The following NEGR1 variants were observed in gnomAD, a reference collection of about 807,000 sequenced individuals.
NEGR1 encodes the protein IgLON family member 4.
Under a neutral mutation model 40.9 loss-of-function variants are expected in NEGR1, and 10 were observed. The ratio of observed to expected loss-of-function variants is 0.24; its 90% CI spans 0.15 to 0.42. The LOEUF (loss-of-function observed/expected upper bound fraction) is 0.42. NEGR1 is among the 10% of genes least tolerant of loss of function. The pLI, the probability that NEGR1 is intolerant of heterozygous loss-of-function variation, is 1.00. For missense variants in NEGR1, 352 were observed against 438.9 expected (o/e 0.80, Z 1.77); for synonymous variants, 185 against 166.8 (o/e 1.11, Z -0.84).
chr1:72,194,820 T>G (rs1652944241), intron 1 of NEGR1, among the ~76,000 whole-genome samples: 1 of 152,082 alleles, frequency 6.6e-6, no homozygotes, highest in Non-Finnish European at 1.5e-5. Context: ...AATTGGACAT[T>G]CATGTTGTAT....
intron 2 of NEGR1, among the ~76,000 whole-genome samples, chr1:71,884,824 C>T (rs1557688166): frequency 6.6e-6 from 1 of 152,178 alleles, no homozygotes; most frequent in African/African-American, 2.4e-5. Flanking sequence ...GCTTTAAATT[C>T]ACATGGACAA....
intron 1 of NEGR1, among the ~76,000 whole-genome samples, chr1:72,068,357 G>T (rs1647330891): frequency 6.6e-6 from 1 of 152,126 alleles, no homozygotes; most frequent in Non-Finnish European, 1.5e-5. Context: ...TCCCTTCATT[G>T]CAAGATCCAA....
intron 2 of NEGR1, among the ~76,000 whole-genome samples, chr1:71,782,228 A>G (rs1313666187): frequency 6.6e-6 from 1 of 152,082 alleles, no homozygotes; most frequent in Non-Finnish European, 1.5e-5. Context: ...CCCTTCCACC[A>G]TGTAAGGACT....
chr1:71,968,219 A>G lies in NEGR1; in HGVS notation c.177-32908T>C, dbSNP rs369443637. ...TGCACTGGAAAGAGGAGACACTGAA[A>G]GGATCCACTCAACCAATGAGAGACA... On this transcript the variant is annotated intron_variant, in intron 1 of 6. Transcript: ENST00000357731. Among the ~76,000 whole-genome samples, 85 of 152,336 alleles carry G rather than the reference A, an allele frequency of 5.6e-4. No individual in the cohort carries two copies. The Middle Eastern group carries it at 0.014, about 24-fold the overall frequency.
intron 4 of NEGR1, among the ~76,000 whole-genome samples, chr1:71,654,775 T>C (rs1194812704): frequency 6.6e-6 from 1 of 152,146 alleles, no homozygotes; most frequent in Admixed American, 6.5e-5. Flanking sequence ...ATTCTACAAA[T>C]AAATAAAGTT....
At chr1:72,036,426 C>T (rs189575902) in intron 1 of NEGR1, among the ~76,000 whole-genome samples, 128 of 152,002 alleles carry the variant, frequency 8.4e-4, no homozygotes, top group African/African-American at 2.7e-3. Context: ...GAGGCTGAGG[C>T]GGGCAGATCA....
At chr1:71,669,949 TC>T (rs1652364512) in intron 4 of NEGR1, among the ~76,000 whole-genome samples, 1 of 152,158 alleles carries the variant, frequency 6.6e-6, no homozygotes, top group East Asian at 1.9e-4. Context: ...ACCTGGCCAA[TC>T]CTAGGTAGTA....
At chr1:71,688,290 C>T (rs1474995965) in intron 4 of NEGR1, among the ~76,000 whole-genome samples, 2 of 114,430 alleles carry the variant, frequency 1.7e-5, no homozygotes, top group Non-Finnish European at 3.4e-5. Context: ...CAAAGGTGAA[C>T]TGGAGGAGTT....
rs1557513134 is a variant in NEGR1, at chr1:71,399,671, C to T, written c.*7775G>A. ...AGTATGTGTTTTGTTTTGAAAAAGA[C>T]ATCAGCTTGAAGCAGTTTCAAATCT... On this transcript the variant is annotated 3_prime_UTR_variant, in exon 7 of 7. Coordinates refer to ENST00000357731, the MANE Select transcript of NEGR1 (RefSeq NM_173808.3). The T allele has an allele frequency of 6.6e-6, 1 of 152,204 alleles. No homozygotes were observed. Among genetic ancestry groups the T allele is most frequent in the Non-Finnish European group, 1.5e-5 (1 of 68,036 alleles). The allele number at this position is 152,204 out of a possible 1,614,324, so 9.4% of individuals were successfully genotyped here.
chr1:72,217,147 C>A (rs1653848145), intron 1 of NEGR1, among the ~76,000 whole-genome samples: 1 of 151,634 alleles, frequency 6.6e-6, no homozygotes, highest in African/African-American at 2.4e-5. Context: ...TTGTTGAGAA[C>A]AATCTTTTTA....
intron 1 of NEGR1, among the ~76,000 whole-genome samples, chr1:71,940,464 T>C (rs1570532353): frequency 6.6e-6 from 1 of 152,320 alleles, no homozygotes; most frequent in South Asian, 2.1e-4. Context: ...TTTGTGCACA[T>C]AGTTCCAAAC....
chr1:72,050,496 T>C (rs1647049231), intron 1 of NEGR1, among the ~76,000 whole-genome samples: 1 of 151,574 alleles, frequency 6.6e-6, no homozygotes, highest in Non-Finnish European at 1.5e-5. Flanking sequence ...AGAATTGCTT[T>C]ATTCTCTAAA....
intron 3 of NEGR1, among the ~76,000 whole-genome samples, chr1:71,746,829 G>A (rs1432634449): frequency 6.6e-6 from 1 of 151,924 alleles, no homozygotes; most frequent in African/African-American, 2.4e-5. Flanking sequence ...ATGTATGAAT[G>A]TTTTCTACAG....
intron 2 of NEGR1, among the ~76,000 whole-genome samples, chr1:71,804,270 C>T (rs147277454): frequency 5.3e-4 from 80 of 152,232 alleles, no homozygotes; most frequent in African/African-American, 1.9e-3. Flanking sequence ...GGTCCTGTTG[C>T]CAAGCTTCCC....
intron 4 of NEGR1, among the ~76,000 whole-genome samples, chr1:71,639,129 CA>C (rs1349957441): frequency 6.8e-6 from 1 of 148,052 alleles, no homozygotes; most frequent in Non-Finnish European, 1.5e-5. Context: ...GCTCAGAGTA[CA>C]GTGTAAGTAA....
At chr1:71,975,330 A>C (rs1280411132) in intron 1 of NEGR1, among the ~76,000 whole-genome samples, 1 of 152,116 alleles carries the variant, frequency 6.6e-6, no homozygotes, top group East Asian at 1.9e-4. Flanking sequence ...CATCTTTTAC[A>C]GTCTTCTGAA....
At chr1:71,495,196 A>G (rs1569945561) in intron 6 of NEGR1, among the ~76,000 whole-genome samples, 1 of 152,172 alleles carries the variant, frequency 6.6e-6, no homozygotes, top group African/African-American at 2.4e-5. Context: ...AGTCATGTAC[A>G]GGCCAGAAGT....
chr1:71,742,168 G>A (rs1042873287), intron 3 of NEGR1, among the ~76,000 whole-genome samples: 1 of 152,142 alleles, frequency 6.6e-6, no homozygotes, highest in African/African-American at 2.4e-5. Context: ...GATTCAGCAA[G>A]AAGGCATGCA....
At chr1:71,816,665 T>G (rs1658227399) in intron 2 of NEGR1, among the ~76,000 whole-genome samples, 1 of 152,008 alleles carries the variant, frequency 6.6e-6, no homozygotes, top group South Asian at 2.1e-4. Context: ...AAGATGAGAT[T>G]TGGGTGACAA....
Sources: gnomAD v4.1 joint callset for allele counts (sites outside exome capture counted in the v4.1 genomes callset) on GRCh38, gnomAD v4.1.1 for gene constraint, MANE v1.5 for transcripts, NCBI Gene and HGNC (gene_info 2026-07-23, HGNC 2026-07-21) for gene names.